NEK10: variants seen among roughly 807,000 people sequenced by gnomAD.
NEK10 encodes the protein NIMA related kinase 10.
NEK10 carries 122 observed loss-of-function variants against 159.8 expected under a neutral mutation model. The observed-to-expected ratio is 0.76, with a 90% CI of 0.66 to 0.89. The LOEUF is 0.89. NEK10 is among the 40% of genes least tolerant of loss of function. The pLI is 0.00. For synonymous variants in NEK10, 466 were observed against 457.1 expected (o/e 1.02, Z -0.25); for missense variants, 1,342 against 1,323.1 (o/e 1.01, Z -0.22).
intron 7 of NEK10, among the ~76,000 whole-genome samples, chr3:27,312,975 C>T (rs2149602642): frequency 6.6e-6 from 1 of 152,144 alleles, no homozygotes. Context: ...TTATGAAAAT[C>T]ATTCTTTCTG....
At chr3:27,303,814 T>C (rs1258721608) in intron 12 of NEK10, among the ~76,000 whole-genome samples, 2 of 152,222 alleles carry the variant, frequency 1.3e-5, no homozygotes, top group Admixed American at 1.3e-4. Flanking sequence ...TGATAATATC[T>C]AGTTATATGA....
chr3:27,116,002 T>A lies in NEK10; in HGVS notation c.3244-7A>T. On this transcript the variant is annotated splice_region_variant and splice_polypyrimidine_tract_variant and intron_variant, in intron 34 of 35. Transcript: ENST00000691995. ...GGACTTCTTCAATCACAGTCTAAAA[T>A]TTTAAAAATCAGGTTAGTATTGAAT... 6.2e-7 allele frequency: 1 copy of A among 1,613,076 alleles called. No homozygotes were observed. The highest frequency in any genetic ancestry group is 8.5e-7 in the Non-Finnish European group (1 of 1,179,358).
At chr3:27,183,396 C>CAA (rs35114572) in intron 26 of NEK10, among the ~76,000 whole-genome samples, 101 of 137,562 alleles carry the variant, frequency 7.3e-4, no homozygotes, top group South Asian at 1.4e-3. Context: ...CCCAAATGAC[C>CAA]AAAAAAAAAA....
chr3:27,297,642 C>A (rs986005840), intron 13 of NEK10, among the ~76,000 whole-genome samples: 6 of 152,196 alleles, frequency 3.9e-5, no homozygotes, highest in African/African-American at 1.2e-4. Context: ...TCAACTCAAT[C>A]CTTATAATAA....
chr3:27,122,462 C>T (rs1941452212), intron 32 of NEK10, among the ~76,000 whole-genome samples: 1 of 152,006 alleles, frequency 6.6e-6, no homozygotes, highest in Non-Finnish European at 1.5e-5. Flanking sequence ...TACAGGAAGC[C>T]CTGACAGTCA....
rs1048383580 is a variant in NEK10, at chr3:27,294,312, G to C, written c.1309-660C>G. Among the ~76,000 whole-genome samples, 8 of 152,280 alleles carry C rather than the reference G, an allele frequency of 5.3e-5. No individual in the cohort carries two copies. In the East Asian group the frequency reaches 7.7e-4, roughly 15 times the overall value. ...AATAGGCCACCATTGGAGTGATCAG[G>C]GTTTGGTGAATCAAATCTGGGATCA... On this transcript the variant is annotated intron_variant, in intron 15 of 35. Coordinates refer to ENST00000691995, the MANE Select transcript of NEK10 (RefSeq NM_001394966.1).
intron 30 of NEK10, among the ~76,000 whole-genome samples, chr3:27,152,089 A>G (rs1944938553): frequency 6.6e-6 from 1 of 152,208 alleles, no homozygotes; most frequent in Non-Finnish European, 1.5e-5. Context: ...TAATTGAGGA[A>G]CAATTCCTAG....
chr3:27,145,167 A>T (rs1277562006), intron 30 of NEK10, among the ~76,000 whole-genome samples: 1 of 151,986 alleles, frequency 6.6e-6, no homozygotes, highest in Non-Finnish European at 1.5e-5. Context: ...TTATATTATC[A>T]ATTTTATACT....
In NEK10 at chr3:27,192,051, T is replaced by C. The variant is rs1049792794; in HGVS notation, c.2483A>G (p.His828Arg). The change falls in exon 26 of 36, where the codon CAT becomes CGT. Residue 828 changes from histidine (H) to arginine (R), a missense_variant. By Grantham distance (29) the His-to-Arg change is conservative (BLOSUM62 0). Coordinates refer to ENST00000691995, the MANE Select transcript of NEK10 (RefSeq NM_001394966.1). ...EANRNTVTCH[H>R]ELAVLSHETF... ...TACGTGAGATAGAACAGCCAGCTCATGGTGACATGTGACGGTGTTCCGGTT... is the reference window on the plus strand; with the variant it reads ...TACGTGAGATAGAACAGCCAGCTCACGGTGACATGTGACGGTGTTCCGGTT... 1.2e-6 allele frequency: 2 copies of C among 1,614,190 alleles called. No homozygotes were observed. Among genetic ancestry groups the C allele is most frequent in the South Asian group, 1.1e-5 (1 of 91,088 alleles).
Position 27,218,554 on chromosome 3 carries a change from G to A in NEK10, c.2091-15997C>T, listed in dbSNP as rs191182946. 2.3e-3 allele frequency among the ~76,000 whole-genome samples: 337 copies of A among 144,262 alleles called. 1 individual carries two copies. The highest frequency in any genetic ancestry group is 8.0e-3 in the African/African-American group (307 of 38,452). The allele number at this position is 144,262 out of a possible 152,430, so 94.6% of individuals were successfully genotyped here. On this transcript the variant is annotated intron_variant, in intron 23 of 35. Transcript: ENST00000691995. ...TGGGAAGCGGAGGTTGCAGTGAGCC[G>A]AGATCACGCCACTGCACTCCAGCCT...
chr3:27,251,129 C>T (rs1955619320), intron 23 of NEK10, among the ~76,000 whole-genome samples: 1 of 151,980 alleles, frequency 6.6e-6, no homozygotes. Context: ...TATTATCATC[C>T]CCAGGTTGCA....
intron 22 of NEK10, among the ~76,000 whole-genome samples, chr3:27,264,786 C>T (rs1026323143): frequency 6.6e-6 from 1 of 151,936 alleles, no homozygotes; most frequent in African/African-American, 2.4e-5. Flanking sequence ...CCCAGTTACT[C>T]AGGAGGCTGA....
chr3:27,238,746 CGTGTGTGTGTGTGTGT>C (rs59740177), intron 23 of NEK10, among the ~76,000 whole-genome samples: 103 of 138,136 alleles, frequency 7.5e-4, no homozygotes, highest in African/African-American at 2.5e-3. Context: ...CCTCCCCTTT[CGTGTGTGTGTGTGTGT>C]GTGTGTGTGT....
At chr3:27,138,914 A>G (rs886891089) in intron 31 of NEK10, among the ~76,000 whole-genome samples, 1 of 152,226 alleles carries the variant, frequency 6.6e-6, no homozygotes, top group East Asian at 1.9e-4. Flanking sequence ...CACAAGGACT[A>G]TGGCACAGAA....
intron 33 of NEK10, 48 bp downstream of exon 33, chr3:27,119,711 CA>C: frequency 1.4e-6 from 2 of 1,380,390 alleles, no homozygotes; most frequent in Non-Finnish European, 1.0e-6. Flanking sequence ...TTGATCCAAA[CA>C]ATATATTTCT....
chr3:27,143,507 T>C (rs1180886753), intron 30 of NEK10: 1 of 749,510 alleles, frequency 1.3e-6, no homozygotes, highest in Non-Finnish European at 2.4e-6. Flanking sequence ...AGCTAGAATG[T>C]CTTCCTTCTG....
At chr3:27,157,466 A>G (rs1203787339) in intron 30 of NEK10, among the ~76,000 whole-genome samples, 3 of 152,182 alleles carry the variant, frequency 2.0e-5, no homozygotes, top group Non-Finnish European at 2.9e-5. Flanking sequence ...CAAGAGAACT[A>G]AAATTAGAAG....
intron 23 of NEK10, among the ~76,000 whole-genome samples, chr3:27,232,941 C>A (rs903395642): frequency 6.6e-6 from 1 of 151,178 alleles, no homozygotes; most frequent in Non-Finnish European, 1.5e-5. Flanking sequence ...AAATCTAACA[C>A]CTGAATCAGA....
chr3:27,242,359 C>A (rs577402360), intron 23 of NEK10, among the ~76,000 whole-genome samples: 9 of 152,330 alleles, frequency 5.9e-5, no homozygotes, highest in African/African-American at 2.2e-4. Flanking sequence ...ATCCATCCAT[C>A]CTTCCATCCA....
Sources: allele counts gnomAD v4.1 joint callset (sites outside exome capture counted in the v4.1 genomes callset), GRCh38; gene constraint gnomAD v4.1.1; transcripts MANE v1.5; gene names NCBI Gene and HGNC (gene_info 2026-07-23, HGNC 2026-07-21).